RPH3A: variants seen among roughly 807,000 people sequenced by gnomAD.
RPH3A encodes the protein rabphilin 3A.
A neutral mutation model predicts 102.2 loss-of-function variants in RPH3A; 48 were observed. The ratio of observed to expected loss-of-function variants is 0.47; its 90% CI spans 0.37 to 0.60. RPH3A has a LOEUF of 0.60. Ranked by LOEUF, RPH3A falls within the 20% of genes least tolerant of loss-of-function variation. The pLI, the probability that RPH3A is intolerant of heterozygous loss-of-function variation, is 0.00. For missense variants in RPH3A, 781 were observed against 910.1 expected, an observed-to-expected ratio of 0.86 and a Z score of 1.83; for synonymous variants, 310 against 324.3, an observed-to-expected ratio of 0.96 and a Z score of 0.47.
intron 10 of RPH3A, among the ~76,000 whole-genome samples, chr12:112,871,542 C>T (rs1160005799): frequency 6.6e-6 from 1 of 152,066 alleles, no homozygotes; most frequent in Non-Finnish European, 1.5e-5. Context: ...CTTTTTAACC[C>T]ATTATGCTGG....
intron 1 of RPH3A, among the ~76,000 whole-genome samples, chr12:112,684,055 C>A (rs2040245623): frequency 6.6e-6 from 1 of 152,046 alleles, no homozygotes; most frequent in Non-Finnish European, 1.5e-5. Context: ...ATATAGGCAT[C>A]TATCTGTATC....
chr12:112,783,964 A>T (rs569013082), intron 1 of RPH3A, among the ~76,000 whole-genome samples: 1 of 152,252 alleles, frequency 6.6e-6, no homozygotes, highest in South Asian at 2.1e-4. Flanking sequence ...AAAGCAAACT[A>T]GGGGCTTGAG....
upstream of RPH3A, among the ~76,000 whole-genome samples, chr12:112,789,247 G>T (rs77068670): frequency 6.6e-6 from 1 of 152,184 alleles, no homozygotes; most frequent in African/African-American, 2.4e-5. Flanking sequence ...CATCTGAAAG[G>T]CTTGCATTCT....
intron 10 of RPH3A, among the ~76,000 whole-genome samples, chr12:112,873,708 A>G (rs2042744429): frequency 6.6e-6 from 1 of 152,226 alleles, no homozygotes; most frequent in African/African-American, 2.4e-5. Flanking sequence ...CACTACCTCA[A>G]CTGCAAAATG....
At chr12:112,766,898 G>A (rs945953699) in intron 1 of RPH3A, among the ~76,000 whole-genome samples, 1 of 152,150 alleles carries the variant, frequency 6.6e-6, no homozygotes, top group African/African-American at 2.4e-5. Flanking sequence ...AGGTGAGTGG[G>A]GTGACCACCT....
At chr12:112,772,685 G>A (rs1592990745) in intron 1 of RPH3A, among the ~76,000 whole-genome samples, 2 of 151,566 alleles carry the variant, frequency 1.3e-5, no homozygotes, top group East Asian at 3.9e-4. Flanking sequence ...TGTCATTTGG[G>A]GCATCATTCT....
At chr12:112,813,373 A>G (rs1704692079) in intron 2 of RPH3A, 1 of 152,262 alleles carries the variant, frequency 6.6e-6, no homozygotes, top group Non-Finnish European at 1.5e-5. Context: ...TTCTCCAGCC[A>G]ATACTGGCCA....
At chr12:112,808,559 G>A (rs541778795) in intron 2 of RPH3A, among the ~76,000 whole-genome samples, 7 of 152,344 alleles carry the variant, frequency 4.6e-5, no homozygotes, top group African/African-American at 1.4e-4. Flanking sequence ...TTCTGGTAGA[G>A]GTTGAGCAGC....
chr12:112,732,412 G>A (rs1019079617), intron 1 of RPH3A, among the ~76,000 whole-genome samples: 6 of 152,142 alleles, frequency 3.9e-5, no homozygotes, highest in Admixed American at 2.0e-4. Flanking sequence ...TTTCTTACCC[G>A]TAACATGGGA....
At chr12:112,860,564 A>C (rs1486833137) in intron 5 of RPH3A, among the ~76,000 whole-genome samples, 1 of 152,230 alleles carries the variant, frequency 6.6e-6, no homozygotes, top group Non-Finnish European at 1.5e-5. Context: ...AGGAAGAGGC[A>C]GAAAACCCTT....
chr12:112,639,809 A>G (rs1364939594), intron 1 of RPH3A, among the ~76,000 whole-genome samples: 1 of 152,100 alleles, frequency 6.6e-6, no homozygotes, highest in Admixed American at 6.5e-5. Flanking sequence ...TGAGGATGAG[A>G]CCCCAAAGTG....
At chr12:112,823,412 G>T (rs1030566294) in intron 2 of RPH3A, among the ~76,000 whole-genome samples, 2 of 152,220 alleles carry the variant, frequency 1.3e-5, no homozygotes, top group African/African-American at 2.4e-5. Flanking sequence ...GAGTAGGATT[G>T]TAAGGAGTAA....
chr12:112,852,453 C>T (rs2042337880), intron 5 of RPH3A, among the ~76,000 whole-genome samples: 1 of 152,200 alleles, frequency 6.6e-6, no homozygotes, highest in Non-Finnish European at 1.5e-5. Flanking sequence ...TCAGAGATAT[C>T]TCCAGGGATC....
Position 112,841,716 on chromosome 12 carries a change from T to TG in RPH3A, c.83+5214_83+5215insG, listed in dbSNP as rs2042150877. The stretch of plus-strand genomic sequence containing the variant: ...TTTTTTTGTTTTTTTGGTTTTTTTT[T>TG]TTTTTCCATTGCATCCTAATATCTC... On this transcript the variant is annotated intron_variant, in intron 4 of 21. Transcript: ENST00000389385. 2.0e-5 allele frequency among the ~76,000 whole-genome samples: 3 copies of TG among 149,992 alleles called. No homozygotes were observed. In the South Asian group the frequency reaches 6.3e-4, roughly 31 times the overall value.
Position 112,896,948 on chromosome 12 carries a change from C to A in RPH3A, c.*168C>A. 1 of 642,324 alleles carries A rather than the reference C, an allele frequency of 1.6e-6. No homozygotes were observed. 39.8% of individuals were successfully genotyped at this position (642,324 alleles called of 1,614,324 possible). On this transcript the variant is annotated 3_prime_UTR_variant, in exon 22 of 22. Coordinates refer to ENST00000389385, the MANE Select transcript of RPH3A (RefSeq NM_001143854.2). ...ACGTTGGGCACTGCTGCCAAAGACTCCCTCCTCCCTGATGCTGGGATGTGG... is the reference window on the plus strand; with the variant it reads ...ACGTTGGGCACTGCTGCCAAAGACTACCTCCTCCCTGATGCTGGGATGTGG...
chr12:112,676,676 G>C (rs1001022842), intron 1 of RPH3A, among the ~76,000 whole-genome samples: 3 of 152,176 alleles, frequency 2.0e-5, no homozygotes, highest in African/African-American at 7.2e-5. Context: ...CCCTTTTGCT[G>C]AGAGTAGTAA....
intron 10 of RPH3A, among the ~76,000 whole-genome samples, chr12:112,872,383 A>G: frequency 6.6e-6 from 1 of 152,142 alleles, no homozygotes; most frequent in East Asian, 1.9e-4. Context: ...CTTTGAACAC[A>G]TTTTAAACTG....
chr12:112,588,421 A>G (rs943746669), intron 1 of RPH3A, among the ~76,000 whole-genome samples: 1 of 152,202 alleles, frequency 6.6e-6, no homozygotes, highest in Non-Finnish European at 1.5e-5. Context: ...CAACTGCCAT[A>G]TATGAAACCA....
chr12:112,755,495 T>A (rs2040817995), intron 1 of RPH3A, among the ~76,000 whole-genome samples: 1 of 152,212 alleles, frequency 6.6e-6, no homozygotes, highest in Non-Finnish European at 1.5e-5. Context: ...GACTTTGGGC[T>A]TGGTCATGTG....
Sources: gnomAD v4.1 joint callset for allele counts (sites outside exome capture counted in the v4.1 genomes callset) on GRCh38, gnomAD v4.1.1 for gene constraint, MANE v1.5 for transcripts, NCBI Gene and HGNC (gene_info 2026-07-23, HGNC 2026-07-21) for gene names.